The following MGA variants were observed in gnomAD, a reference collection of about 807,000 sequenced individuals.
MGA encodes the protein MAX gene-associated protein.
MGA carries 40 observed loss-of-function variants against 261.1 expected under a neutral mutation model. The ratio of observed to expected loss-of-function variants is 0.15; its 90% CI spans 0.12 to 0.20. MGA has a LOEUF of 0.20. Ranked by LOEUF, MGA falls within the 10% of genes least tolerant of loss-of-function variation. The probability of loss-of-function intolerance (pLI) is 1.00; values close to 1 mark genes in which losing one functional copy is unlikely to be tolerated. For synonymous variants in MGA, 1,302 were observed against 1,290.6 expected (o/e 1.01, Z -0.19); for missense variants, 3,397 against 3,630.5 (o/e 0.94, Z 1.65).
At chr15:41,758,107 A>G (rs1275429276) in intron 19 of MGA, among the ~76,000 whole-genome samples, 1 of 152,176 alleles carries the variant, frequency 6.6e-6, no homozygotes, top group Non-Finnish European at 1.5e-5. Flanking sequence ...TGGTTATTTG[A>G]AAACTGTTCT....
At chr15:41,634,035 T>C (rs529516738) in intron 1 of MGA, among the ~76,000 whole-genome samples, 2 of 152,320 alleles carry the variant, frequency 1.3e-5, no homozygotes, top group South Asian at 4.1e-4. Flanking sequence ...GAATACTGCA[T>C]AGCTTGTTCC....
At chr15:41,699,666 T>C (rs1295135135) in intron 5 of MGA, among the ~76,000 whole-genome samples, 9 of 152,024 alleles carry the variant, frequency 5.9e-5, no homozygotes, top group Admixed American at 5.9e-4. Context: ...CGCGCCTGGC[T>C]AATTTTTTTG....
intron 2 of MGA, among the ~76,000 whole-genome samples, chr15:41,687,869 G>C (rs1057158613): frequency 6.6e-5 from 10 of 152,004 alleles, no homozygotes; most frequent in Admixed American, 6.6e-4. Flanking sequence ...CTTCTGTCCT[G>C]ATTTTTTTAA....
chr15:41,762,325 A>G lies in MGA; in HGVS notation c.7707A>G (p.Lys2569=), dbSNP rs763706493. Residue 2569 remains lysine, a synonymous_variant, in exon 22 of 24, where the codon AAA becomes AAG. Transcript: ENST00000219905. ...TGTTTATAAATAACAGGAGGGGGAA[A>G]CCTTTGATTCTTTCCAGAAAAAAAG... The G allele has an allele frequency of 5.0e-6, 8 of 1,613,716 alleles. No homozygotes were observed. The East Asian group carries it at 1.1e-4, about 22-fold the overall frequency.
intron 13 of MGA, among the ~76,000 whole-genome samples, chr15:41,738,339 G>C (rs762452722): frequency 6.6e-6 from 1 of 152,190 alleles, no homozygotes; most frequent in African/African-American, 2.4e-5. Flanking sequence ...AGGTTGCAGT[G>C]AGCCGAGATC....
At chr15:41,747,112 A>G (rs777783916) in intron 15 of MGA, among the ~76,000 whole-genome samples, 4 of 152,106 alleles carry the variant, frequency 2.6e-5, no homozygotes, top group Non-Finnish European at 4.4e-5. Context: ...TTCTGCATTA[A>G]ATTTCTGCTT....
At chr15:41,714,287 AT>A (rs1335325334) in intron 9 of MGA, among the ~76,000 whole-genome samples, 3 of 152,106 alleles carry the variant, frequency 2.0e-5, no homozygotes, top group Non-Finnish European at 4.4e-5. Flanking sequence ...TGTAGATCTA[AT>A]TTTATAATGT....
At chr15:41,670,510 A>G (rs780514314) in intron 2 of MGA, among the ~76,000 whole-genome samples, 7 of 152,088 alleles carry the variant, frequency 4.6e-5, no homozygotes, top group Non-Finnish European at 8.8e-5. Context: ...AAGAGTAAGC[A>G]TACTATTTTT....
intron 1 of MGA, among the ~76,000 whole-genome samples, chr15:41,665,802 A>G (rs2150900719): frequency 6.6e-6 from 1 of 152,344 alleles, no homozygotes; most frequent in South Asian, 2.1e-4. Flanking sequence ...TGAAACCACT[A>G]ATCTACTTTG....
intron 2 of MGA, among the ~76,000 whole-genome samples, chr15:41,678,294 T>C (rs2058490355): frequency 6.6e-6 from 1 of 151,682 alleles, no homozygotes; most frequent in Non-Finnish European, 1.5e-5. Context: ...TTTGGCTGTG[T>C]TGGCTAGGCT....
At chr15:41,629,145 T>C (rs2056533700) in intron 1 of MGA, among the ~76,000 whole-genome samples, 1 of 147,654 alleles carries the variant, frequency 6.8e-6, no homozygotes, top group Non-Finnish European at 1.5e-5. Flanking sequence ...TGGAGTGTTG[T>C]GAGGTACAGT....
Position 41,729,255 on chromosome 15 carries a change from A to T in MGA, c.3749A>T (p.Asp1250Val). The change falls in exon 11 of 24, where the codon GAC becomes GTC. Residue 1250 changes from aspartate to valine, a missense_variant. Transcript: ENST00000219905. ...CGAGTATATGAGCGAAAAAAAGAGG[A>T]CCAGAGACAACCATCTTCCTCCTCC... 6.2e-7 allele frequency: 1 copy of T among 1,613,794 alleles called. No homozygotes were observed. The highest frequency in any genetic ancestry group is 8.5e-7 in the Non-Finnish European group (1 of 1,179,852).
intron 9 of MGA, among the ~76,000 whole-genome samples, chr15:41,722,840 G>A (rs1173651029): frequency 1.3e-5 from 2 of 152,148 alleles, no homozygotes; most frequent in African/African-American, 4.8e-5. Context: ...TAGAATATAG[G>A]CAATTAAAAC....
intron 19 of MGA, among the ~76,000 whole-genome samples, chr15:41,758,778 G>GC (rs2063287848): frequency 6.6e-6 from 1 of 152,070 alleles, no homozygotes; most frequent in African/African-American, 2.4e-5. Flanking sequence ...TTTTACATTA[G>GC]AGTTTTTGGT....
At chr15:41,721,657 T>G (rs1215560385) in intron 9 of MGA, among the ~76,000 whole-genome samples, 1 of 152,196 alleles carries the variant, frequency 6.6e-6, no homozygotes, top group Non-Finnish European at 1.5e-5. Flanking sequence ...ATGATGAGAT[T>G]CTACTAGACA....
chr15:41,669,329 T>C lies in MGA; in HGVS notation c.435T>C (p.Ser145=), dbSNP rs141634062. 171 of 1,614,024 alleles carry C rather than the reference T, an allele frequency of 1.1e-4. No individual in the cohort carries two copies. The African/African-American group carries it at 2.0e-3, about 19-fold the overall frequency. Residue 145 remains serine (S), a synonymous_variant, in exon 2 of 24, where the codon AGT becomes AGC. Coordinates refer to ENST00000219905, the MANE Select transcript of MGA (RefSeq NM_001164273.2). Reference sequence around the variant, plus strand: ...GGAATGGTCGTTGGTGGGAACCTAGTGGGAAGGCTGAACCTCATGTTTTGG... The same window carrying C: ...GGAATGGTCGTTGGTGGGAACCTAGCGGGAAGGCTGAACCTCATGTTTTGG...
chr15:41,650,600 GC>G (rs1480082298), intron 1 of MGA, among the ~76,000 whole-genome samples: 1 of 151,954 alleles, frequency 6.6e-6, no homozygotes, highest in African/African-American at 2.4e-5. Flanking sequence ...ACCATGCCTG[GC>G]CAACTTTTGT....
chr15:41,674,136 C>G (rs1340683675), intron 2 of MGA, among the ~76,000 whole-genome samples: 1 of 152,120 alleles, frequency 6.6e-6, no homozygotes, highest in African/African-American at 2.4e-5. Context: ...AGGTGACCCA[C>G]CTACCTCAGC....
At chr15:41,667,526 G>A (rs371595518) in intron 1 of MGA, among the ~76,000 whole-genome samples, 1 of 152,102 alleles carries the variant, frequency 6.6e-6, no homozygotes, top group South Asian at 2.1e-4. Context: ...GATTACAGGC[G>A]TGAGCCACTG....
Sources: gnomAD v4.1 joint callset for allele counts (sites outside exome capture counted in the v4.1 genomes callset) on GRCh38, gnomAD v4.1.1 for gene constraint, MANE v1.5 for transcripts, NCBI Gene and HGNC (gene_info 2026-07-23, HGNC 2026-07-21) for gene names.